Variants in SND1 observed in about 807,000 individuals in gnomAD.
The protein encoded by SND1 is staphylococcal nuclease and tudor domain containing 1, also known as staphylococcal nuclease domain-containing protein 1.
A neutral mutation model predicts 121.7 loss-of-function variants in SND1; 38 were observed. That is an observed-to-expected ratio of 0.31 (90% CI 0.24 to 0.41). The LOEUF (loss-of-function observed/expected upper bound fraction) is 0.41, where lower values mean the gene tolerates loss of function less well. Among genes scored for constraint, SND1 ranks in the 10% least tolerant of loss-of-function variants. The pLI, the probability that SND1 is intolerant of heterozygous loss-of-function variation, is 1.00. For missense variants in SND1, 868 were observed against 1,184.6 expected (o/e 0.73, Z 3.92); for synonymous variants, 401 against 447.4 (o/e 0.90, Z 1.31).
At chr7:128,003,742 T>C (rs1802892545) in intron 16 of SND1, among the ~76,000 whole-genome samples, 1 of 152,224 alleles carries the variant, frequency 6.6e-6, no homozygotes, top group Admixed American at 6.5e-5. Context: ...CACCTGCCAC[T>C]TGGTAATTTT....
At chr7:127,695,021 AG>A in intron 3 of SND1, 73 bp downstream of exon 3, 2 of 1,561,190 alleles carry the variant, frequency 1.3e-6, no homozygotes, top group Non-Finnish European at 1.7e-6. Context: ...TTGTGGTGGA[AG>A]GCCAGTGTGG....
At chr7:127,812,947 A>T (rs1242596679) in intron 11 of SND1, among the ~76,000 whole-genome samples, 1 of 152,122 alleles carries the variant, frequency 6.6e-6, no homozygotes, top group Non-Finnish European at 1.5e-5. Context: ...TTTTCACCTC[A>T]TATTAATTTG....
chr7:127,668,704 A>G (rs910963999), intron 1 of SND1, among the ~76,000 whole-genome samples: 2 of 152,188 alleles, frequency 1.3e-5, no homozygotes, highest in African/African-American at 2.4e-5. Context: ...CCCTAAGAGC[A>G]TGTACTGCAC....
At chr7:128,079,784 C>G (rs1793566493) in intron 17 of SND1, among the ~76,000 whole-genome samples, 1 of 152,164 alleles carries the variant, frequency 6.6e-6, no homozygotes, top group South Asian at 2.1e-4. Context: ...AGAAAGGGGA[C>G]CCAGAAAAGT....
At chr7:127,840,774 T>C (rs1798950296) in intron 11 of SND1, among the ~76,000 whole-genome samples, 1 of 152,222 alleles carries the variant, frequency 6.6e-6, no homozygotes, top group Admixed American at 6.5e-5. Flanking sequence ...CTTTAATTCC[T>C]GATTTGTCAT....
intron 11 of SND1, among the ~76,000 whole-genome samples, chr7:127,832,084 A>G (rs6970024): frequency 0.3 from 45,904 of 152,084 alleles, 7,636 homozygotes; most frequent in African/African-American, 0.45. Flanking sequence ...CTCAGCAGCT[A>G]CATCATATTT....
chr7:128,039,499 T>TA (rs1792811611), intron 16 of SND1, among the ~76,000 whole-genome samples: 2 of 152,154 alleles, frequency 1.3e-5, no homozygotes, highest in South Asian at 4.1e-4. Flanking sequence ...TTTTTTTTTT[T>TA]AATACTGGAA....
chr7:127,712,765 C>T (rs779263450), intron 9 of SND1, among the ~76,000 whole-genome samples: 4 of 152,110 alleles, frequency 2.6e-5, no homozygotes, highest in East Asian at 3.9e-4. Context: ...TGTATAGATA[C>T]GTTTTACAGA....
chr7:128,052,658 T>G lies in SND1; in HGVS notation c.1780-21844T>G, dbSNP rs570047261. 9.8e-5 allele frequency among the ~76,000 whole-genome samples: 15 copies of G among 152,336 alleles called. No homozygotes were observed. The highest frequency in any genetic ancestry group is 3.4e-3 in the Middle Eastern group (1 of 294). ...AGTGACAGCTGCATACCAGGCTGTTTGCTGAACACAACTCGTCCGTCAAGG... is the reference window on the plus strand; with the variant it reads ...AGTGACAGCTGCATACCAGGCTGTTGGCTGAACACAACTCGTCCGTCAAGG... On this transcript the variant is annotated intron_variant, in intron 16 of 23. Coordinates refer to ENST00000354725, the MANE Select transcript of SND1 (RefSeq NM_014390.4). The surrounding 1 kb of genome is among the most constrained non-coding windows in gnomAD (Gnocchi z 4.6).
At chr7:127,985,421 C>A (rs951981131) in intron 15 of SND1, among the ~76,000 whole-genome samples, 1 of 152,188 alleles carries the variant, frequency 6.6e-6, no homozygotes, top group East Asian at 1.9e-4. Context: ...CCACACCCTG[C>A]CAATTTTTGT....
chr7:127,691,083 A>G (rs1562979833), intron 2 of SND1, among the ~76,000 whole-genome samples: 1 of 152,196 alleles, frequency 6.6e-6, no homozygotes, highest in Non-Finnish European at 1.5e-5. Context: ...TTTATTTCCC[A>G]CAGAATTATT....
intron 15 of SND1, chr7:127,949,186 A>G (rs1468027852): frequency 6.6e-6 from 1 of 152,246 alleles, no homozygotes; most frequent in African/African-American, 2.4e-5. Context: ...TGGCAAATAA[A>G]TGAAGCCCTG....
At chr7:128,016,315 T>C (rs897932204) in intron 16 of SND1, among the ~76,000 whole-genome samples, 2 of 152,006 alleles carry the variant, frequency 1.3e-5, no homozygotes, top group African/African-American at 4.8e-5. Flanking sequence ...ATATTAGGAT[T>C]GAGATATATT....
intron 9 of SND1, among the ~76,000 whole-genome samples, chr7:127,716,644 T>A (rs1252198027): frequency 6.6e-6 from 1 of 152,196 alleles, no homozygotes; most frequent in South Asian, 2.1e-4. Context: ...GGAACAGTGA[T>A]AATTTTATTT....
chr7:128,056,046 A>T (rs537444862), intron 16 of SND1, among the ~76,000 whole-genome samples: 1 of 152,242 alleles, frequency 6.6e-6, no homozygotes, highest in South Asian at 2.1e-4. Context: ...TTTTATTAGT[A>T]AAATGGGACT....
intron 15 of SND1, among the ~76,000 whole-genome samples, chr7:127,964,000 G>A (rs1801797025): frequency 6.6e-6 from 1 of 151,834 alleles, no homozygotes; most frequent in Non-Finnish European, 1.5e-5. Context: ...TTCTCTGATG[G>A]CCAGTGATGA....
chr7:128,036,838 A>G (rs1360045127), intron 16 of SND1, among the ~76,000 whole-genome samples: 1 of 152,286 alleles, frequency 6.6e-6, no homozygotes, highest in Non-Finnish European at 1.5e-5. Flanking sequence ...GCACTTCTGC[A>G]TGAAAATACA....
At chr7:127,764,068 A>C (rs1021010138) in intron 10 of SND1, among the ~76,000 whole-genome samples, 7 of 151,768 alleles carry the variant, frequency 4.6e-5, no homozygotes, top group Admixed American at 4.6e-4. Context: ...AAACAAAAAA[A>C]CAAAAAACCC....
At chr7:127,658,749 A>G (rs1032772511) in intron 1 of SND1, among the ~76,000 whole-genome samples, 3 of 152,250 alleles carry the variant, frequency 2.0e-5, no homozygotes, top group African/African-American at 7.2e-5. Flanking sequence ...TAGTGCTGGC[A>G]ATAGTGGGCA....
Sources: allele counts gnomAD v4.1 joint callset (sites outside exome capture counted in the v4.1 genomes callset), GRCh38; gene constraint gnomAD v4.1.1; non-coding constraint Gnocchi (gnomAD v3.1); transcripts MANE v1.5; gene names NCBI Gene and HGNC (gene_info 2026-07-23, HGNC 2026-07-21).